Variants in ITFG1 observed in about 807,000 individuals in gnomAD.
ITFG1 encodes T-cell immunomodulatory protein.
In ITFG1, 34 loss-of-function variants were observed where a neutral mutation model predicts 81.8. The observed-to-expected ratio is 0.42, with a 90% confidence interval of 0.32 to 0.55. The LOEUF is 0.55. Among genes scored for constraint, ITFG1 ranks in the 20% least tolerant of loss-of-function variants. ITFG1 has a pLI of 0.17. For synonymous variants in ITFG1, 285 were observed against 270.6 expected (o/e 1.05, Z -0.52); for missense variants, 672 against 755.4 (o/e 0.89, Z 1.29).
Position 47,308,649 on chromosome 16 carries a change from T to C in ITFG1, c.1070+2591A>G, listed in dbSNP as rs16955328. Among the ~76,000 whole-genome samples the C allele has an allele frequency of 7.6e-3, 1,157 of 152,308 alleles. 23 individuals carry two copies. Among genetic ancestry groups the C allele is most frequent in the African/African-American group, 0.027 (1,114 of 41,570 alleles). On this transcript the variant is annotated intron_variant, in intron 10 of 17. Coordinates refer to ENST00000320640, the MANE Select transcript of ITFG1 (RefSeq NM_030790.5). The stretch of plus-strand genomic sequence containing the variant: ...AAATTACTTTATAAACAAAAGCCAT[T>C]TTCTTCCCAGCATTAACTAACAGGC...
chr16:47,348,657 C>A (rs1255403556), intron 8 of ITFG1, among the ~76,000 whole-genome samples: 1 of 152,182 alleles, frequency 6.6e-6, no homozygotes, highest in African/African-American at 2.4e-5. Flanking sequence ...TCCAGGAGAA[C>A]TTCCCCAACC....
intron 10 of ITFG1, among the ~76,000 whole-genome samples, chr16:47,265,116 T>C (rs1966260671): frequency 6.6e-6 from 1 of 151,908 alleles, no homozygotes; most frequent in Non-Finnish European, 1.5e-5. Flanking sequence ...TTATTATTAT[T>C]ATTATTATTA....
At chr16:47,326,134 T>C (rs901449269) in intron 8 of ITFG1, among the ~76,000 whole-genome samples, 3 of 152,206 alleles carry the variant, frequency 2.0e-5, no homozygotes, top group African/African-American at 7.2e-5. Context: ...CATGATCAAG[T>C]GGGCATCATC....
intron 8 of ITFG1, among the ~76,000 whole-genome samples, chr16:47,316,105 T>A (rs1242814244): frequency 2.0e-5 from 3 of 152,178 alleles, no homozygotes; most frequent in Non-Finnish European, 2.9e-5. Context: ...TTTTAAAAAA[T>A]ATTTAGGTGA....
intron 8 of ITFG1, among the ~76,000 whole-genome samples, chr16:47,357,584 C>T (rs1267130148): frequency 1.5e-5 from 2 of 136,148 alleles, no homozygotes; most frequent in South Asian, 2.3e-4. Flanking sequence ...CACCGCACTC[C>T]AGCCTAGGTG....
At chr16:47,230,902 C>G (rs996487952) in intron 13 of ITFG1, among the ~76,000 whole-genome samples, 3 of 152,198 alleles carry the variant, frequency 2.0e-5, no homozygotes, top group African/African-American at 7.2e-5. Flanking sequence ...GCGCCCGACA[C>G]CATGTCCGGC....
At chr16:47,319,528 G>C (rs1967416380) in intron 8 of ITFG1, among the ~76,000 whole-genome samples, 1 of 152,112 alleles carries the variant, frequency 6.6e-6, no homozygotes, top group Admixed American at 6.6e-5. Context: ...AACATACTTG[G>C]TACGCAGATG....
At chr16:47,296,174 G>A (rs909883717) in intron 10 of ITFG1, among the ~76,000 whole-genome samples, 1 of 151,608 alleles carries the variant, frequency 6.6e-6, no homozygotes, top group Non-Finnish European at 1.5e-5. Flanking sequence ...TGGCTCAAGG[G>A]ATCCTCCTGC....
At chr16:47,359,664 C>A (rs1045924963) in intron 8 of ITFG1, among the ~76,000 whole-genome samples, 1 of 152,204 alleles carries the variant, frequency 6.6e-6, no homozygotes, top group South Asian at 2.1e-4. Flanking sequence ...CAAGACCTGG[C>A]CAAGTGCCAG....
At chr16:47,271,015 G>A (rs1240329062) in intron 10 of ITFG1, among the ~76,000 whole-genome samples, 2 of 152,030 alleles carry the variant, frequency 1.3e-5, no homozygotes, top group Admixed American at 6.6e-5. Flanking sequence ...AAAACATATC[G>A]ACTTACAACC....
At chr16:47,406,063 T>A (rs1256724153) in intron 6 of ITFG1, among the ~76,000 whole-genome samples, 4 of 152,340 alleles carry the variant, frequency 2.6e-5, no homozygotes, top group Non-Finnish European at 2.9e-5. Flanking sequence ...CCCTTCCTTA[T>A]CAGAGAACAT....
intron 5 of ITFG1, among the ~76,000 whole-genome samples, chr16:47,438,606 A>G (rs918637565): frequency 1.3e-5 from 2 of 152,234 alleles, no homozygotes; most frequent in Non-Finnish European, 2.9e-5. Context: ...AAATTCCAAC[A>G]GACCTGCAGA....
intron 6 of ITFG1, among the ~76,000 whole-genome samples, chr16:47,398,988 T>TC (rs1428910339): frequency 6.6e-6 from 1 of 152,178 alleles, no homozygotes; most frequent in Non-Finnish European, 1.5e-5. Context: ...CAAGAGTACA[T>TC]CCCTCCCTTT....
At chr16:47,239,349 C>G (rs1025488666) in intron 12 of ITFG1, among the ~76,000 whole-genome samples, 1 of 151,956 alleles carries the variant, frequency 6.6e-6, no homozygotes, top group Non-Finnish European at 1.5e-5. Flanking sequence ...TACAGGTGCA[C>G]GCCACCACAC....
intron 12 of ITFG1, among the ~76,000 whole-genome samples, chr16:47,243,984 T>C (rs1294843415): frequency 6.6e-6 from 1 of 152,122 alleles, no homozygotes; most frequent in Non-Finnish European, 1.5e-5. Context: ...TGAGCTGAGA[T>C]TGCACCACTG....
chr16:47,176,136 A>G (rs1965021492), intron 14 of ITFG1, among the ~76,000 whole-genome samples: 1 of 151,898 alleles, frequency 6.6e-6, no homozygotes, highest in African/African-American at 2.4e-5. Context: ...TATGAAAAAG[A>G]CACTGTGGCT....
At chr16:47,226,071 TGAG>T (rs764081732) in intron 13 of ITFG1, among the ~76,000 whole-genome samples, 2 of 152,196 alleles carry the variant, frequency 1.3e-5, no homozygotes, top group Non-Finnish European at 2.9e-5. Context: ...TAGTACAAAT[TGAG>T]GAGGAGTAAA....
intron 8 of ITFG1, among the ~76,000 whole-genome samples, chr16:47,332,138 G>T (rs776465076): frequency 2.6e-5 from 4 of 151,896 alleles, no homozygotes; most frequent in African/African-American, 2.4e-5. Flanking sequence ...GAAGGGTAGA[G>T]GTGGTGTAAC....
intron 10 of ITFG1, among the ~76,000 whole-genome samples, chr16:47,305,645 G>A (rs920418578): frequency 8.5e-5 from 13 of 152,072 alleles, no homozygotes; most frequent in Non-Finnish European, 1.6e-4. Context: ...GAACATAAGA[G>A]GTTACCTGCA....
Sources: allele counts gnomAD v4.1 joint callset (sites outside exome capture counted in the v4.1 genomes callset), GRCh38; gene constraint gnomAD v4.1.1; transcripts MANE v1.5; gene names NCBI Gene and HGNC (gene_info 2026-07-23, HGNC 2026-07-21).